Variants in RAD51B observed in about 807,000 individuals in gnomAD.
RAD51B encodes the protein RAD51 paralog B, also known as DNA repair protein RAD51 homolog 2.
Under a neutral mutation model 42.2 loss-of-function variants are expected in RAD51B, and 38 were observed. That is an observed-to-expected ratio of 0.90 (90% confidence interval 0.70 to 1.18). The LOEUF (loss-of-function observed/expected upper bound fraction) is 1.18, where lower values mean the gene tolerates loss of function less well. Ranked by LOEUF, RAD51B falls within the 50% of genes most tolerant of loss-of-function variation. The pLI is 0.00. For synonymous variants in RAD51B, 154 were observed against 145.2 expected (o/e 1.06, Z -0.43); for missense variants, 373 against 400.7 (o/e 0.93, Z 0.59).
At chr14:68,403,962 A>C (rs1179896007) in intron 8 of RAD51B, among the ~76,000 whole-genome samples, 1 of 152,148 alleles carries the variant, frequency 6.6e-6, no homozygotes, top group Non-Finnish European at 1.5e-5. Flanking sequence ...CATTTTACAG[A>C]TGGGTTAGCA....
intron 8 of RAD51B, among the ~76,000 whole-genome samples, chr14:68,369,452 C>G (rs1413668441): frequency 6.6e-6 from 1 of 152,180 alleles, no homozygotes; most frequent in East Asian, 1.9e-4. Flanking sequence ...CAAAGCATTG[C>G]TGTGTCCTCT....
At chr14:68,596,053 T>G, downstream of RAD51B, 1 of 1,050,432 alleles carries the variant, frequency 9.5e-7, no homozygotes, top group Non-Finnish European at 1.2e-6. Context: ...GACCAGCAGA[T>G]GTGTTTCCTG....
In RAD51B at chr14:68,317,286, G is replaced by A. The variant is rs146954834; in HGVS notation, c.853+25306G>A. On this transcript the variant is annotated intron_variant, in intron 8 of 10. Coordinates refer to ENST00000471583, the MANE Select transcript of RAD51B (RefSeq NM_133510.4). ...ATGAGAGTCTAAGCTCCCCTTAAAGGGCTTATAGTTCACTTTGAACATATT... is the reference window on the plus strand; with the variant it reads ...ATGAGAGTCTAAGCTCCCCTTAAAGAGCTTATAGTTCACTTTGAACATATT... 2.5e-3 allele frequency among the ~76,000 whole-genome samples: 284 copies of A among 112,822 alleles called. 1 individual carries two copies. Among genetic ancestry groups the A allele is most frequent in the African/African-American group, 0.011 (278 of 26,160 alleles). The allele number at this position is 112,822 out of a possible 152,430, so 74.0% of individuals were successfully genotyped here.
intron 11 of RAD51B, among the ~76,000 whole-genome samples, chr14:68,673,897 C>T (rs1170038531): frequency 6.6e-6 from 1 of 150,432 alleles, no homozygotes; most frequent in African/African-American, 2.4e-5. Flanking sequence ...TATACATGCA[C>T]ACACATACTG....
intron 7 of RAD51B, among the ~76,000 whole-genome samples, chr14:68,011,156 G>T (rs1382253532): frequency 6.6e-6 from 1 of 151,938 alleles, no homozygotes; most frequent in Non-Finnish European, 1.5e-5. Flanking sequence ...TAGTTCTGCA[G>T]GGCATCCCAT....
chr14:68,523,441 C>G (rs1273385415), intron 10 of RAD51B, among the ~76,000 whole-genome samples: 1 of 152,180 alleles, frequency 6.6e-6, no homozygotes, highest in South Asian at 2.1e-4. Flanking sequence ...GGATTTGATT[C>G]ACTGTGAAGG....
intron 4 of RAD51B, among the ~76,000 whole-genome samples, chr14:67,855,397 A>ATT (rs375512329): frequency 7.0e-6 from 1 of 143,630 alleles, no homozygotes; most frequent in Non-Finnish European, 1.5e-5. Flanking sequence ...CGCTTGGCTA[A>ATT]TTTTTTTTTT....
Position 68,468,218 on chromosome 14 carries a change from A to G in RAD51B, c.1004A>G (p.Tyr335Cys). 1 of 1,613,962 alleles carries G rather than the reference A, an allele frequency of 6.2e-7. No individual in the cohort carries two copies. Among genetic ancestry groups the G allele is most frequent in the South Asian group, 1.1e-5 (1 of 91,072 alleles). Reference sequence around the variant, plus strand: ...CTGGCTCCCTTCACCTCATTTGTCTACACCATCAAGGAGGAAGGCCTGGTT... The same window carrying G: ...CTGGCTCCCTTCACCTCATTTGTCTGCACCATCAAGGAGGAAGGCCTGGTT... ...SPLAPFTSFVYTIKEEGLVLQ... is the reference protein window; with the variant it reads ...SPLAPFTSFVCTIKEEGLVLQ... The change falls in exon 10 of 11, where the codon TAC becomes TGC. Residue 335 changes from tyrosine to cysteine, a missense_variant. Transcript: ENST00000471583.
chr14:68,474,961 G>A (rs947205744), intron 10 of RAD51B, among the ~76,000 whole-genome samples: 3 of 152,144 alleles, frequency 2.0e-5, no homozygotes, highest in Admixed American at 6.6e-5. Flanking sequence ...CATGTCTATC[G>A]AAGAGCCCAG....
rs1425301528 is a variant in RAD51B, at chr14:68,356,425, A to T, written c.854-54999A>T. On this transcript the variant is annotated intron_variant, in intron 8 of 10. Coordinates refer to ENST00000471583, the MANE Select transcript of RAD51B (RefSeq NM_133510.4). ...ACCCCAACCTGGGCGACAGAGCGAG[A>T]CTCCGTCTCAAAAAAAAAAAAAAAA... 3.5e-5 allele frequency among the ~76,000 whole-genome samples: 4 copies of T among 114,188 alleles called. No homozygotes were observed. In the East Asian group the frequency reaches 7.4e-4, roughly 21 times the overall value. 74.9% of individuals were successfully genotyped at this position (114,188 alleles called of 152,430 possible).
intron 10 of RAD51B, among the ~76,000 whole-genome samples, chr14:68,535,759 G>A (rs1887580213): frequency 6.6e-6 from 1 of 152,192 alleles, no homozygotes; most frequent in Admixed American, 6.5e-5. Flanking sequence ...GATGGAGGAA[G>A]CCTGGGATAG....
chr14:68,486,731 C>A (rs919692784), intron 10 of RAD51B, among the ~76,000 whole-genome samples: 3 of 152,216 alleles, frequency 2.0e-5, no homozygotes, highest in African/African-American at 7.2e-5. Flanking sequence ...GTTGGATGAA[C>A]CTTAAGCCAC....
chr14:68,106,736 C>T (rs899217581), intron 7 of RAD51B, among the ~76,000 whole-genome samples: 2 of 151,702 alleles, frequency 1.3e-5, no homozygotes, highest in African/African-American at 4.8e-5. Flanking sequence ...TGATGATAAC[C>T]ATTGCTGTCA....
downstream of RAD51B, among the ~76,000 whole-genome samples, chr14:68,598,885 C>T (rs763018222): frequency 2.6e-5 from 4 of 152,112 alleles, no homozygotes; most frequent in Non-Finnish European, 5.9e-5. Flanking sequence ...GGTTAAAGTC[C>T]GCTTTGAGAA....
chr14:68,549,973 G>A (rs1453145216), intron 10 of RAD51B, among the ~76,000 whole-genome samples: 1 of 152,186 alleles, frequency 6.6e-6, no homozygotes. Context: ...TTTAGTGGTG[G>A]TGGAGGATTG....
intron 9 of RAD51B, among the ~76,000 whole-genome samples, chr14:68,442,914 GGC>G (rs2085335911): frequency 2.0e-5 from 3 of 152,048 alleles, no homozygotes; most frequent in African/African-American, 7.2e-5. Context: ...ATGAAACTGG[GGC>G]TGTGAACACC....
intron 10 of RAD51B, among the ~76,000 whole-genome samples, chr14:68,521,569 C>CT (rs1468367791): frequency 4.7e-4 from 71 of 152,344 alleles, no homozygotes; most frequent in African/African-American, 1.6e-3. Flanking sequence ...AGCCAGTTCT[C>CT]TTTGAGATAT....
intron 7 of RAD51B, among the ~76,000 whole-genome samples, chr14:68,257,360 T>C (rs1343468425): frequency 2.0e-5 from 3 of 152,124 alleles, no homozygotes; most frequent in African/African-American, 4.8e-5. Context: ...TTACGCTACA[T>C]ATTTTACCAC....
chr14:67,837,173 A>G (rs1473956954), intron 4 of RAD51B, among the ~76,000 whole-genome samples: 3 of 151,946 alleles, frequency 2.0e-5, no homozygotes, highest in African/African-American at 4.8e-5. Flanking sequence ...ACACACACGC[A>G]CACACACACA....
Sources: gnomAD v4.1 joint callset for allele counts (sites outside exome capture counted in the v4.1 genomes callset) on GRCh38, gnomAD v4.1.1 for gene constraint, MANE v1.5 for transcripts, NCBI Gene and HGNC (gene_info 2026-07-23, HGNC 2026-07-21) for gene names.